Variants in MEI4 observed in about 807,000 individuals in gnomAD.
The protein encoded by MEI4 is meiosis-specific protein MEI4.
A neutral mutation model predicts 31.4 loss-of-function variants in MEI4; 27 were observed. The ratio of observed to expected loss-of-function variants is 0.86; its 90% CI spans 0.63 to 1.19. MEI4 has a LOEUF of 1.19. Among genes scored for constraint, MEI4 ranks in the 50% most tolerant of loss-of-function variants. The probability of loss-of-function intolerance (pLI) is 0.00; values close to 1 mark genes in which losing one functional copy is unlikely to be tolerated. For synonymous variants in MEI4, 122 were observed against 145.4 expected, an observed-to-expected ratio of 0.84 and a Z score of 1.16; for missense variants, 329 against 398.9, an observed-to-expected ratio of 0.82 and a Z score of 1.49.
chr6:77,796,935 C>CTTTT lies in MEI4; in HGVS notation c.769-31995_769-31994insTTTT, dbSNP rs1183637814. Among the ~76,000 whole-genome samples the CTTTT allele has an allele frequency of 2.6e-4, 39 of 152,096 alleles. 1 individual carries two copies. Among genetic ancestry groups the CTTTT allele is most frequent in the African/African-American group, 9.4e-4 (39 of 41,416 alleles). ...CACATTTACACTCCCTGTTTTGAAA[C>CTTTT]TATATCATAAAAAGTGATAGTAATA... On this transcript the variant is annotated intron_variant, in intron 3 of 4. Coordinates refer to ENST00000684080, the MANE Select transcript of MEI4 (RefSeq NM_001322247.2).
intron 3 of MEI4, among the ~76,000 whole-genome samples, chr6:77,788,948 A>C (rs532081209): frequency 7.9e-5 from 12 of 152,224 alleles, no homozygotes; most frequent in Admixed American, 1.3e-4. Context: ...ATTGCCAAGT[A>C]AATCCTAAGC....
intron 3 of MEI4, among the ~76,000 whole-genome samples, chr6:77,795,519 G>A (rs557778566): frequency 1.3e-5 from 2 of 150,786 alleles, no homozygotes; most frequent in African/African-American, 4.9e-5. Flanking sequence ...TTTTGAAAAG[G>A]TAAACAAAAT....
chr6:77,755,405 A>G (rs942637727), intron 2 of MEI4, among the ~76,000 whole-genome samples: 1 of 151,928 alleles, frequency 6.6e-6, no homozygotes, highest in Admixed American at 6.6e-5. Context: ...TGAACTCTGT[A>G]GGTTTTGTTT....
chr6:77,917,750 G>T (rs1766596643), intron 4 of MEI4, among the ~76,000 whole-genome samples: 1 of 150,282 alleles, frequency 6.7e-6, no homozygotes, highest in Admixed American at 6.7e-5. Flanking sequence ...TTCTTTTGCT[G>T]TGCAGAAGCT....
intron 1 of MEI4, among the ~76,000 whole-genome samples, chr6:77,665,972 C>T (rs564211583): frequency 6.6e-6 from 1 of 152,194 alleles, no homozygotes; most frequent in Non-Finnish European, 1.5e-5. Context: ...CAAGGGAGGT[C>T]CCCCGATCCG....
intron 4 of MEI4, among the ~76,000 whole-genome samples, chr6:77,840,436 AT>A (rs1212673686): frequency 1.5e-3 from 229 of 152,292 alleles, no homozygotes; most frequent in South Asian, 8.5e-3. Context: ...ACAAAAGTAT[AT>A]TTGAAAATAA....
chr6:77,921,934 A>C (rs1027978416), intron 4 of MEI4, among the ~76,000 whole-genome samples: 8 of 151,100 alleles, frequency 5.3e-5, no homozygotes, highest in Non-Finnish European at 1.2e-4. Context: ...ACAGTGAAAA[A>C]TTTGAAATAT....
At chr6:77,727,989 G>A (rs1289787728) in intron 2 of MEI4, among the ~76,000 whole-genome samples, 1 of 152,202 alleles carries the variant, frequency 6.6e-6, no homozygotes, top group Non-Finnish European at 1.5e-5. Flanking sequence ...GGCAGAGACT[G>A]TAATTGTAAG....
intron 3 of MEI4, among the ~76,000 whole-genome samples, chr6:77,792,925 G>C (rs575377543): frequency 4.3e-4 from 66 of 152,066 alleles, no homozygotes; most frequent in African/African-American, 1.6e-3. Flanking sequence ...TGTTAGCCAG[G>C]ATGGTCTTGA....
chr6:77,801,856 C>A (rs989715174), intron 3 of MEI4, among the ~76,000 whole-genome samples: 1 of 152,118 alleles, frequency 6.6e-6, no homozygotes, highest in African/African-American at 2.4e-5. Context: ...GTTATAATTT[C>A]TGTTCTTTTA....
In MEI4 at chr6:77,761,130, G is replaced by A; in HGVS notation, c.233G>A (p.Gly78Glu). 3 of 1,231,744 alleles carry A rather than the reference G, an allele frequency of 2.4e-6. No individual in the cohort carries two copies. The South Asian group carries it at 1.2e-4, about 51-fold the overall frequency. 76.3% of individuals were successfully genotyped at this position (1,231,744 alleles called of 1,614,324 possible). A position where few individuals can be genotyped will look rare whatever the true frequency, so the allele number is the denominator to read the frequency against. Residue 78 changes from glycine (G) to glutamate (E), a missense_variant and splice_region_variant, in exon 3 of 5, where the codon GGA becomes GAA. By Grantham distance (98) the Gly-to-Glu change is moderately conservative (BLOSUM62 -2). Transcript: ENST00000684080. ...SRLCSGSFKS[G>E]YVSSQLEAQE... is the part of the protein sequence containing the mutation. Reference sequence around the variant, plus strand: ...ATCCTTCTATTCCTTTATTTTTCAGGATACGTTTCCTCCCAGTTGGAGGCT... The same window carrying A: ...ATCCTTCTATTCCTTTATTTTTCAGAATACGTTTCCTCCCAGTTGGAGGCT...
At chr6:77,709,820 A>G (rs1385450051) in intron 2 of MEI4, among the ~76,000 whole-genome samples, 1 of 152,186 alleles carries the variant, frequency 6.6e-6, no homozygotes. Flanking sequence ...TGTGCTTTTA[A>G]TAACTCCAAA....
intron 2 of MEI4, among the ~76,000 whole-genome samples, chr6:77,744,322 G>C (rs1767516339): frequency 6.6e-6 from 1 of 152,160 alleles, no homozygotes; most frequent in African/African-American, 2.4e-5. Flanking sequence ...CGTGAAGAAT[G>C]CAGAAGCCTC....
At chr6:77,876,626 A>G (rs1771347587) in intron 4 of MEI4, among the ~76,000 whole-genome samples, 1 of 152,184 alleles carries the variant, frequency 6.6e-6, no homozygotes, top group South Asian at 2.1e-4. Flanking sequence ...GGTATCAAGT[A>G]TCTAGCACAA....
upstream of MEI4, among the ~76,000 whole-genome samples, chr6:77,650,565 G>A (rs571727705): frequency 1.0e-3 from 155 of 152,196 alleles, no homozygotes; most frequent in Non-Finnish European, 1.6e-3. Flanking sequence ...CCCCGCTACA[G>A]GAACCCAGAA....
rs1769809798 is a variant in MEI4, at chr6:77,820,948, A to G, written c.769-7983A>G. On this transcript the variant is annotated intron_variant, in intron 3 of 4. Coordinates refer to ENST00000684080, the MANE Select transcript of MEI4 (RefSeq NM_001322247.2). This position sits in a 1 kb window ranked among gnomAD's most constrained non-coding sequence, Gnocchi z 4.5. The stretch of plus-strand genomic sequence containing the variant: ...TTTTTGAATTCTATTTAAAGATACT[A>G]TAGCTTCTTATTCTATTCTCTATGT... 6.6e-6 allele frequency among the ~76,000 whole-genome samples: 1 copy of G among 151,674 alleles called. No homozygotes were observed. The highest frequency in any genetic ancestry group is 1.5e-5 in the Non-Finnish European group (1 of 67,950).
In MEI4 at chr6:77,705,864, T is replaced by C. The variant is rs138555362; in HGVS notation, c.232+14961T>C. 1.4e-3 allele frequency among the ~76,000 whole-genome samples: 213 copies of C among 152,326 alleles called. 1 individual carries two copies. The highest frequency in any genetic ancestry group is 4.5e-3 in the African/African-American group (187 of 41,566). ...AATTAAATACATGAGAGAATACCAC[T>C]GTTGAGAGATGTGTGTGCTGTGAAG... On this transcript the variant is annotated intron_variant, in intron 2 of 4. Coordinates refer to ENST00000684080, the MANE Select transcript of MEI4 (RefSeq NM_001322247.2).
chr6:77,822,821 G>A (rs1328436837), intron 3 of MEI4, among the ~76,000 whole-genome samples: 6 of 151,576 alleles, frequency 4.0e-5, no homozygotes, highest in African/African-American at 9.7e-5. Flanking sequence ...ATGGGGTTTC[G>A]CCTTGTTAGC....
rs77379134 is a variant in MEI4 at position 77,829,654 on chromosome 6, G to A, written c.900+592G>A. 6.3e-3 allele frequency among the ~76,000 whole-genome samples: 955 copies of A among 152,214 alleles called. 19 individuals carry two copies. The highest frequency in any genetic ancestry group is 0.042 in the Admixed American group (638 of 15,266). Reference sequence around the variant, plus strand: ...GTCTTCTATATCACTGGTGACAAAGGTGTAGAAGGAACATAAGTCATTCCC... The same window carrying A: ...GTCTTCTATATCACTGGTGACAAAGATGTAGAAGGAACATAAGTCATTCCC... On this transcript the variant is annotated intron_variant, in intron 4 of 4. Coordinates refer to ENST00000684080, the MANE Select transcript of MEI4 (RefSeq NM_001322247.2).
Sources: allele counts gnomAD v4.1 joint callset (sites outside exome capture counted in the v4.1 genomes callset), GRCh38; gene constraint gnomAD v4.1.1; non-coding constraint Gnocchi (gnomAD v3.1); transcripts MANE v1.5; gene names NCBI Gene and HGNC (gene_info 2026-07-23, HGNC 2026-07-21).